Variants in RALYL observed in about 807,000 individuals in gnomAD.
The protein encoded by RALYL is RNA-binding Raly-like protein.
In RALYL, 29 loss-of-function variants were observed where a neutral mutation model predicts 35.1. The ratio of observed to expected loss-of-function variants is 0.83; its 90% confidence interval spans 0.61 to 1.13. The LOEUF (loss-of-function observed/expected upper bound fraction) is 1.13, where lower values mean the gene tolerates loss of function less well. Among genes scored for constraint, RALYL ranks in the 50% most tolerant of loss-of-function variants. RALYL has a pLI of 0.00. For missense variants in RALYL, 359 were observed against 360.4 expected, an observed-to-expected ratio of 1.00 and a Z score of 0.03; for synonymous variants, 120 against 127.6, an observed-to-expected ratio of 0.94 and a Z score of 0.40.
chr8:84,204,341 A>G (rs913494763), intron 1 of RALYL, among the ~76,000 whole-genome samples: 1 of 152,170 alleles, frequency 6.6e-6, no homozygotes, highest in Non-Finnish European at 1.5e-5. Flanking sequence ...AATAAAATCT[A>G]TAAATAATAT....
chr8:84,236,552 G>A (rs925964849), intron 1 of RALYL, among the ~76,000 whole-genome samples: 1 of 152,076 alleles, frequency 6.6e-6, no homozygotes, highest in African/African-American at 2.4e-5. Context: ...CGATTGGGTT[G>A]CCACCTTATG....
At chr8:84,372,710 A>G (rs1187159895) in intron 1 of RALYL, among the ~76,000 whole-genome samples, 1 of 151,880 alleles carries the variant, frequency 6.6e-6, no homozygotes, top group Non-Finnish European at 1.5e-5. Context: ...ATAAATAAAT[A>G]GTAGTAATAT....
rs182861752 is a variant in RALYL at position 84,453,366 on chromosome 8, C to G, written c.-23-75933C>G. ...TGATATCTATGAAGGTAATAGGATACAGAAAGAGAAAATATGTATATAATG... is the reference window on the plus strand; with the variant it reads ...TGATATCTATGAAGGTAATAGGATAGAGAAAGAGAAAATATGTATATAATG... On this transcript the variant is annotated intron_variant, in intron 1 of 8. Coordinates refer to ENST00000521268, the MANE Select transcript of RALYL (RefSeq NM_173848.7). 1.1e-3 allele frequency among the ~76,000 whole-genome samples: 163 copies of G among 151,862 alleles called. 2 individuals carry two copies. Among genetic ancestry groups the G allele is most frequent in the African/African-American group, 3.7e-3 (155 of 41,480 alleles).
At chr8:84,409,619 A>G (rs2132144166) in intron 1 of RALYL, among the ~76,000 whole-genome samples, 1 of 152,150 alleles carries the variant, frequency 6.6e-6, no homozygotes, top group East Asian at 1.9e-4. Flanking sequence ...TTCTCACTTA[A>G]GTTTATGACA....
At chr8:84,678,966 A>G (rs1472234927) in intron 2 of RALYL, 4 of 234,728 alleles carry the variant, frequency 1.7e-5, no homozygotes, top group Non-Finnish European at 3.5e-5. Context: ...ACAACTTCTT[A>G]AGAAAATTAA....
rs926485795 is a variant in RALYL, at chr8:84,649,601, C to T, written c.256+120024C>T. Among the ~76,000 whole-genome samples, 622 of 152,038 alleles carry T rather than the reference C, an allele frequency of 4.1e-3. 5 individuals carry two copies. The highest frequency in any genetic ancestry group is 0.014 in the African/African-American group (599 of 41,504). ...GGATCAGATAGTTGTAGATATGCGG[C>T]GTTATTTCTGAGGGCTCTGTTCTGT... On this transcript the variant is annotated intron_variant, in intron 2 of 8. Coordinates refer to ENST00000521268, the MANE Select transcript of RALYL (RefSeq NM_173848.7).
At chr8:84,610,557 G>A (rs975210816) in intron 2 of RALYL, among the ~76,000 whole-genome samples, 8 of 151,954 alleles carry the variant, frequency 5.3e-5, no homozygotes, top group East Asian at 3.9e-4. Context: ...GTTATTCTTC[G>A]CTGCTCTTCT....
chr8:84,226,501 G>T (rs1380832171), intron 1 of RALYL, among the ~76,000 whole-genome samples: 1 of 152,134 alleles, frequency 6.6e-6, no homozygotes, highest in Non-Finnish European at 1.5e-5. Context: ...CCGCCTCCTG[G>T]ATTCGAGTGA....
At chr8:84,792,455 C>T (rs1029662867) in intron 3 of RALYL, among the ~76,000 whole-genome samples, 12 of 152,226 alleles carry the variant, frequency 7.9e-5, no homozygotes, top group Admixed American at 4.6e-4. Context: ...TTTGTCCTCT[C>T]ATCTCCCCCT....
chr8:84,627,233 A>AT (rs1822929157), intron 2 of RALYL, among the ~76,000 whole-genome samples: 1 of 151,454 alleles, frequency 6.6e-6, no homozygotes. Context: ...AATCCCTCCT[A>AT]TTTTTTCTCG....
At chr8:84,665,322 T>G (rs1286647407) in intron 2 of RALYL, among the ~76,000 whole-genome samples, 1 of 152,148 alleles carries the variant, frequency 6.6e-6, no homozygotes, top group Non-Finnish European at 1.5e-5. Context: ...ATCAGGATGA[T>G]TCTGGCCTCA....
At chr8:84,568,909 G>A (rs1807176985) in intron 2 of RALYL, among the ~76,000 whole-genome samples, 1 of 151,526 alleles carries the variant, frequency 6.6e-6, no homozygotes, top group African/African-American at 2.4e-5. Flanking sequence ...TTTTTTTCTT[G>A]TAAATTTGTT....
chr8:84,539,854 G>A (rs6989667), intron 2 of RALYL, among the ~76,000 whole-genome samples: 216 of 24,112 alleles, frequency 9.0e-3, no homozygotes, highest in African/African-American at 0.018. Flanking sequence ...ATATATATAT[G>A]TATATATATA....
chr8:84,249,859 A>C (rs1439225467), intron 1 of RALYL, among the ~76,000 whole-genome samples: 1 of 137,244 alleles, frequency 7.3e-6, no homozygotes, highest in Non-Finnish European at 1.6e-5. Flanking sequence ...ATGTATTGTT[A>C]ATTTTGAGTT....
intron 1 of RALYL, among the ~76,000 whole-genome samples, chr8:84,369,831 G>A (rs897514816): frequency 6.6e-6 from 1 of 151,944 alleles, no homozygotes; most frequent in Non-Finnish European, 1.5e-5. Context: ...AAATTCTTAC[G>A]AATTTTTTTC....
intron 3 of RALYL, among the ~76,000 whole-genome samples, chr8:84,778,950 T>C (rs1817480263): frequency 6.6e-6 from 1 of 152,218 alleles, no homozygotes; most frequent in African/African-American, 2.4e-5. Context: ...AGGAATTATT[T>C]CAGTCTTGGA....
intron 4 of RALYL, among the ~76,000 whole-genome samples, chr8:84,807,335 G>A (rs1351958379): frequency 1.3e-5 from 2 of 152,108 alleles, no homozygotes. Context: ...TACTGCAAAC[G>A]CCGTTAATTT....
At chr8:84,645,320 ATATT>A (rs1236503671) in intron 2 of RALYL, among the ~76,000 whole-genome samples, 20 of 151,716 alleles carry the variant, frequency 1.3e-4, no homozygotes, top group Non-Finnish European at 2.7e-4. Context: ...TATTTATACT[ATATT>A]TATGAAGATT....
intron 1 of RALYL, among the ~76,000 whole-genome samples, chr8:84,291,286 A>G (rs1838730312): frequency 6.6e-6 from 1 of 152,158 alleles, no homozygotes; most frequent in Non-Finnish European, 1.5e-5. Flanking sequence ...TGTGAGAAAC[A>G]CTGTTTTGTT....
Sources: gnomAD v4.1 joint callset for allele counts (sites outside exome capture counted in the v4.1 genomes callset) on GRCh38, gnomAD v4.1.1 for gene constraint, MANE v1.5 for transcripts, NCBI Gene and HGNC (gene_info 2026-07-23, HGNC 2026-07-21) for gene names.